TRIM14: variants seen among roughly 807,000 people sequenced by gnomAD.
TRIM14 encodes tripartite motif-containing protein 14.
TRIM14 carries 28 observed loss-of-function variants against 44.5 expected under a neutral mutation model. The ratio of observed to expected loss-of-function variants is 0.63; its 90% CI spans 0.47 to 0.86. TRIM14 has a LOEUF of 0.86. Ranked by LOEUF, TRIM14 falls within the 40% of genes least tolerant of loss-of-function variation. The pLI, the probability that TRIM14 is intolerant of heterozygous loss-of-function variation, is 0.00. For missense variants in TRIM14, 607 were observed against 611.1 expected (o/e 0.99, Z 0.07); for synonymous variants, 299 against 269.2 (o/e 1.11, Z -1.08).
intron 6 of TRIM14, chr9:98,069,829 T>C (rs147579899): frequency 6.6e-6 from 1 of 152,298 alleles, no homozygotes; most frequent in Non-Finnish European, 1.5e-5. Flanking sequence ...ATGGTGACCG[T>C]GGCAGTGCTC....
chr9:98,067,786 A>G (rs146082928), downstream of TRIM14, among the ~76,000 whole-genome samples: 1 of 151,360 alleles, frequency 6.6e-6, no homozygotes, highest in African/African-American at 2.4e-5. Context: ...GAGTGGTGCA[A>G]TATCGGCTCA....
At chr9:98,111,055 C>A (rs1024249414) in intron 1 of TRIM14, among the ~76,000 whole-genome samples, 68 of 150,878 alleles carry the variant, frequency 4.5e-4, no homozygotes, top group African/African-American at 1.4e-3. Flanking sequence ...CTGTCCCCCC[C>A]CCCAAAAAAA....
At chr9:98,078,361 A>G in intron 6 of TRIM14, 1 of 1,611,150 alleles carries the variant, frequency 6.2e-7, no homozygotes, top group South Asian at 1.1e-5. Flanking sequence ...AGCAGGAGGG[A>G]GGGGGTTCCC....
downstream of TRIM14, among the ~76,000 whole-genome samples, chr9:98,080,621 C>T (rs925664829): frequency 3.9e-5 from 6 of 152,194 alleles, no homozygotes; most frequent in African/African-American, 1.4e-4. Flanking sequence ...GAGTGCTTCT[C>T]ATGCATTTAC....
chr9:98,050,987 C>T, the TRIM14 span, among the ~76,000 whole-genome samples: 90 of 152,136 alleles, frequency 5.9e-4, no homozygotes, highest in Middle Eastern at 3.4e-3. Flanking sequence ...TTGGCCAGGA[C>T]GATCTCGAAC....
intron 6 of TRIM14, among the ~76,000 whole-genome samples, chr9:98,072,085 G>C (rs1283809611): frequency 6.6e-6 from 1 of 152,166 alleles, no homozygotes; most frequent in Non-Finnish European, 1.5e-5. Flanking sequence ...TTAGAGTCAG[G>C]CTCTCTGAGC....
downstream of TRIM14, chr9:98,080,877 C>T (rs766491062): frequency 4.3e-6 from 7 of 1,613,942 alleles, no homozygotes; most frequent in Non-Finnish European, 5.1e-6. Context: ...ACAGGCATAG[C>T]GATATCTGTG....
chr9:98,036,774 A>G, the TRIM14 span, among the ~76,000 whole-genome samples: 1 of 152,192 alleles, frequency 6.6e-6, no homozygotes, highest in African/African-American at 2.4e-5. Context: ...ATTGCATTCC[A>G]GCCTGGGCAA....
chr9:98,058,753 C>G, the TRIM14 span, among the ~76,000 whole-genome samples: 1 of 152,166 alleles, frequency 6.6e-6, no homozygotes, highest in Non-Finnish European at 1.5e-5. Context: ...TAGCGAGACC[C>G]TGTCTCTAAT....
chr9:98,100,187 C>G, intron 2 of TRIM14, 23 bp from the exon 3 acceptor site: 1 of 1,599,908 alleles, frequency 6.3e-7, no homozygotes, highest in South Asian at 1.1e-5. Context: ...AAACCAGTTG[C>G]AGATGACATG....
rs1410348952 is a variant in TRIM14, at chr9:98,095,208, C to T, written c.538-179G>A. On this transcript the variant is annotated intron_variant, in intron 3 of 5. Coordinates refer to ENST00000341469, the MANE Select transcript of TRIM14 (RefSeq NM_014788.4). This position sits in a 1 kb window ranked among gnomAD's most constrained non-coding sequence, Gnocchi z 4.1. Reference sequence around the variant, plus strand: ...GAGCCCTGGAGAGACCATACGGCATCCCTGAGGTGGGAGCCATGCGGAGGT... The same window carrying T: ...GAGCCCTGGAGAGACCATACGGCATTCCTGAGGTGGGAGCCATGCGGAGGT... Among the ~76,000 whole-genome samples, 2 of 152,254 alleles carry T rather than the reference C, an allele frequency of 1.3e-5. No homozygotes were observed. Among genetic ancestry groups the T allele is most frequent in the African/African-American group, 4.8e-5 (2 of 41,474 alleles).
downstream of TRIM14, among the ~76,000 whole-genome samples, chr9:98,066,614 A>G (rs758482665): frequency 6.6e-6 from 1 of 151,706 alleles, no homozygotes; most frequent in African/African-American, 2.4e-5. Context: ...GCACTCCTCA[A>G]TTGCCCCAAT....
In TRIM14 at chr9:98,109,941, T is replaced by G; in HGVS notation, c.251A>C (p.Gln84Pro). 1 of 1,614,176 alleles carries G rather than the reference T, an allele frequency of 6.2e-7. No individual in the cohort carries two copies. The highest frequency in any genetic ancestry group is 1.1e-5 in the South Asian group (1 of 91,080). The change falls in exon 2 of 6, where the codon CAG becomes CCG. Residue 84 changes from glutamine to proline, a missense_variant. Coordinates refer to ENST00000341469, the MANE Select transcript of TRIM14 (RefSeq NM_014788.4). ...ECLKQLAIKK[Q>P]QHIDNITQIE... ...CTGGGTTATGTTGTCAATGTGCTGC[T>G]GCTTCTTGATTGCCAGCTGCTTTAA...
chr9:98,044,236 T>C, the TRIM14 span, among the ~76,000 whole-genome samples: 1 of 152,010 alleles, frequency 6.6e-6, no homozygotes, highest in African/African-American at 2.4e-5. Context: ...ACAAGCCTTT[T>C]TAAAACTAAT....
downstream of TRIM14, among the ~76,000 whole-genome samples, chr9:98,067,557 C>G (rs1829184772): frequency 6.6e-6 from 1 of 152,112 alleles, no homozygotes; most frequent in Non-Finnish European, 1.5e-5. Context: ...GATCCTTTGT[C>G]AGTTTTAAGA....
downstream of TRIM14, among the ~76,000 whole-genome samples, chr9:98,065,420 A>G (rs1829112720): frequency 6.9e-6 from 1 of 144,854 alleles, no homozygotes; most frequent in Non-Finnish European, 1.5e-5. Context: ...GGGTTCAAGC[A>G]ATTCTCCTGC....
At chr9:98,104,340 C>T (rs1313045054) in intron 2 of TRIM14, among the ~76,000 whole-genome samples, 1 of 152,204 alleles carries the variant, frequency 6.6e-6, no homozygotes, top group Non-Finnish European at 1.5e-5. Flanking sequence ...CTCCTCCCAA[C>T]CAAGTTATGC....
chr9:98,037,896 T>TA, the TRIM14 span, among the ~76,000 whole-genome samples: 2 of 152,156 alleles, frequency 1.3e-5, no homozygotes, highest in Non-Finnish European at 2.9e-5. Flanking sequence ...AATATGTTGT[T>TA]ATTACTTGTT....
At position 98,095,099 on chromosome 9, in the gene TRIM14, C is replaced by T; in HGVS notation, c.538-70G>A. The T allele has an allele frequency of 6.5e-7, 1 of 1,534,738 alleles. No individual in the cohort carries two copies. The highest frequency in any genetic ancestry group is 8.7e-7 in the Non-Finnish European group (1 of 1,144,532). On this transcript the variant is annotated intron_variant, in intron 3 of 5. Transcript: ENST00000341469. This position sits in a 1 kb window ranked among gnomAD's most constrained non-coding sequence, Gnocchi z 4.1. The stretch of plus-strand genomic sequence containing the variant: ...CAGCATCCCAGCCTCCTGTGCTGCA[C>T]CCAGGAACAAACCCACACCAGCATG...
Sources: allele counts gnomAD v4.1 joint callset (sites outside exome capture counted in the v4.1 genomes callset), GRCh38; gene constraint gnomAD v4.1.1; non-coding constraint Gnocchi (gnomAD v3.1); transcripts MANE v1.5; gene names NCBI Gene and HGNC (gene_info 2026-07-23, HGNC 2026-07-21).